DOCK4: variants seen among roughly 807,000 people sequenced by gnomAD.
DOCK4 encodes dedicator of cytokinesis protein 4.
In DOCK4, 97 loss-of-function variants were observed where a neutral mutation model predicts 268.1. The observed-to-expected ratio is 0.36, with a 90% CI of 0.31 to 0.43. DOCK4 has a LOEUF of 0.43. DOCK4 is among the 20% of genes least tolerant of loss of function. The probability of loss-of-function intolerance (pLI) is 1.00; values close to 1 mark genes in which losing one functional copy is unlikely to be tolerated. For synonymous variants in DOCK4, 954 were observed against 887.2 expected (o/e 1.08, Z -1.34); for missense variants, 2,145 against 2,455.7 (o/e 0.87, Z 2.67).
At chr7:112,127,302 T>C (rs1813314942) in intron 1 of DOCK4, among the ~76,000 whole-genome samples, 1 of 150,652 alleles carries the variant, frequency 6.6e-6, no homozygotes, top group Admixed American at 6.6e-5. Context: ...CAGTAAACTA[T>C]CGCAAGGACA....
rs1232554200 is a variant in DOCK4, at chr7:111,727,162, A to G, written c.*1112T>C. The G allele has an allele frequency of 6.6e-6, 1 of 152,610 alleles. No homozygotes were observed. The highest frequency in any genetic ancestry group is 1.5e-5 in the Non-Finnish European group (1 of 68,024). 9.5% of individuals were successfully genotyped at this position (152,610 alleles called of 1,614,324 possible). A position where few individuals can be genotyped will look rare whatever the true frequency, so the allele number is the denominator to read the frequency against. On this transcript the variant is annotated 3_prime_UTR_variant, in exon 53 of 53. Coordinates refer to ENST00000428084, the MANE Select transcript of DOCK4 (RefSeq NM_001363540.2). Reference sequence around the variant, plus strand: ...CATCCCTATCTAGACCTAAGATGCTATGTTGCAATATTCAAGCTAGAGAAG... The same window carrying G: ...CATCCCTATCTAGACCTAAGATGCTGTGTTGCAATATTCAAGCTAGAGAAG...
At chr7:111,898,421 T>C (rs954690358) in intron 15 of DOCK4, among the ~76,000 whole-genome samples, 2 of 152,234 alleles carry the variant, frequency 1.3e-5, no homozygotes, top group Non-Finnish European at 2.9e-5. Flanking sequence ...CACTTTCTAC[T>C]CCCTAGCTGC....
intron 26 of DOCK4, among the ~76,000 whole-genome samples, chr7:111,825,773 G>A (rs964769934): frequency 1.3e-5 from 2 of 152,146 alleles, no homozygotes; most frequent in African/African-American, 2.4e-5. Flanking sequence ...TTATTTTATA[G>A]AAGTATTTTT....
At chr7:111,809,260 A>G (rs969017126) in intron 29 of DOCK4, 41 bp downstream of exon 29, 1 of 1,428,726 alleles carries the variant, frequency 7.0e-7, no homozygotes, top group Non-Finnish European at 9.6e-7. Context: ...AATACTCTTT[A>G]AGAGGCAACA....
At position 112,197,970 on chromosome 7, in the gene DOCK4, G is replaced by GAAAAAAAAAAAAAAAAA. The variant is rs10525534; in HGVS notation, c.37+8115_37+8131dup. Among the ~76,000 whole-genome samples the GAAAAAAAAAAAAAAAAA allele has an allele frequency of 4.0e-4, 44 of 111,060 alleles. 1 individual carries two copies. The highest frequency in any genetic ancestry group is 1.5e-3 in the African/African-American group (42 of 27,910). 72.9% of individuals were successfully genotyped at this position (111,060 alleles called of 152,430 possible). A position where few individuals can be genotyped will look rare whatever the true frequency, so the allele number is the denominator to read the frequency against. On this transcript the variant is annotated intron_variant, in intron 1 of 52. Coordinates refer to ENST00000428084, the MANE Select transcript of DOCK4 (RefSeq NM_001363540.2). ...ATCTTACATAAGCCTGACCTGCCTA[G>GAAAAAAAAAAAAAAAAA]AAAAAAAAAAAAAAAAAAAAAGTTG...
At chr7:111,867,567 C>A (rs1196357230) in intron 22 of DOCK4, among the ~76,000 whole-genome samples, 1 of 152,158 alleles carries the variant, frequency 6.6e-6, no homozygotes, top group Admixed American at 6.5e-5. Flanking sequence ...TAAAACAAAA[C>A]AACATGCAGC....
chr7:111,841,407 C>T (rs969367110), intron 25 of DOCK4, among the ~76,000 whole-genome samples: 4 of 151,978 alleles, frequency 2.6e-5, no homozygotes, highest in African/African-American at 4.8e-5. Flanking sequence ...GCAATACGCC[C>T]GCCTTGGCCT....
At chr7:111,811,050 G>C (rs1801091440) in intron 28 of DOCK4, among the ~76,000 whole-genome samples, 1 of 151,746 alleles carries the variant, frequency 6.6e-6, no homozygotes, top group Non-Finnish European at 1.5e-5. Context: ...AAGAACCAAA[G>C]AAATAATTAG....
At chr7:111,897,571 C>T (rs1424565886) in intron 15 of DOCK4, among the ~76,000 whole-genome samples, 1 of 152,044 alleles carries the variant, frequency 6.6e-6, no homozygotes, top group East Asian at 1.9e-4. Flanking sequence ...CACATCTCTC[C>T]CCAGTTCTAC....
intron 49 of DOCK4, among the ~76,000 whole-genome samples, chr7:111,738,271 A>C (rs1353796961): frequency 1.3e-5 from 2 of 152,198 alleles, no homozygotes; most frequent in Non-Finnish European, 2.9e-5. Context: ...CCTTACTCGC[A>C]TGAGCAGTTG....
intron 1 of DOCK4, among the ~76,000 whole-genome samples, chr7:112,167,922 T>C (rs989250995): frequency 1.3e-5 from 2 of 152,152 alleles, no homozygotes; most frequent in Admixed American, 6.5e-5. Flanking sequence ...TAAATAACAA[T>C]TGTCTACAAC....
chr7:112,022,270 C>G (rs1802388603), intron 1 of DOCK4, among the ~76,000 whole-genome samples: 1 of 152,214 alleles, frequency 6.6e-6, no homozygotes, highest in Non-Finnish European at 1.5e-5. Context: ...AAATATAGTA[C>G]AAGTACTCCT....
At position 112,050,207 on chromosome 7, in the gene DOCK4, C is replaced by A. The variant is rs75337639; in HGVS notation, c.38-46076G>T. Among the ~76,000 whole-genome samples the A allele has an allele frequency of 2.6e-5, 4 of 152,186 alleles. No homozygotes were observed. In the East Asian group the frequency reaches 7.7e-4, roughly 29 times the overall value. On this transcript the variant is annotated intron_variant, in intron 1 of 52. Coordinates refer to ENST00000428084, the MANE Select transcript of DOCK4 (RefSeq NM_001363540.2). ...CACTTTCCCCCAGAATTTAAAGAGG[C>A]CTCTCTTAAAACACTTTAAAATACT...
At chr7:112,028,841 G>C (rs1003685098) in intron 1 of DOCK4, among the ~76,000 whole-genome samples, 3 of 152,148 alleles carry the variant, frequency 2.0e-5, no homozygotes, top group African/African-American at 7.2e-5. Context: ...TAGACAACAA[G>C]CATTTCACAC....
chr7:112,101,463 A>G (rs1037374300), intron 1 of DOCK4, among the ~76,000 whole-genome samples: 1 of 152,260 alleles, frequency 6.6e-6, no homozygotes, highest in African/African-American at 2.4e-5. Flanking sequence ...AAATGGGACC[A>G]ATAAAAAAGC....
At chr7:111,938,825 T>C (rs1172669198) in intron 11 of DOCK4, among the ~76,000 whole-genome samples, 6 of 151,822 alleles carry the variant, frequency 4.0e-5, no homozygotes, top group South Asian at 4.2e-4. Context: ...AGGAGAAATT[T>C]GTAGCCAGGC....
At chr7:112,183,244 C>T (rs1441084186) in intron 1 of DOCK4, among the ~76,000 whole-genome samples, 1 of 152,106 alleles carries the variant, frequency 6.6e-6, no homozygotes, top group Non-Finnish European at 1.5e-5. Flanking sequence ...CCATAACTAC[C>T]TCTTAATGGA....
chr7:112,002,657 T>C (rs994294523), intron 2 of DOCK4, among the ~76,000 whole-genome samples: 1 of 152,224 alleles, frequency 6.6e-6, no homozygotes, highest in East Asian at 1.9e-4. Flanking sequence ...AATATCATCA[T>C]AATATAAATT....
chr7:111,817,215 AT>A (rs761469676), intron 27 of DOCK4, among the ~76,000 whole-genome samples: 1 of 152,236 alleles, frequency 6.6e-6, no homozygotes, highest in East Asian at 1.9e-4. Flanking sequence ...AGTTTGGCAC[AT>A]TCAGCATAGT....
Sources: allele counts gnomAD v4.1 joint callset (sites outside exome capture counted in the v4.1 genomes callset), GRCh38; gene constraint gnomAD v4.1.1; transcripts MANE v1.5; gene names NCBI Gene and HGNC (gene_info 2026-07-23, HGNC 2026-07-21).